Variants in IDH1 observed in about 807,000 individuals in gnomAD.
IDH1 encodes the protein isocitrate dehydrogenase [NADP] cytoplasmic.
IDH1 carries 33 observed loss-of-function variants against 46.1 expected under a neutral mutation model. That is an observed-to-expected ratio of 0.72 (90% CI 0.54 to 0.96). IDH1 has a LOEUF of 0.96. Among genes scored for constraint, IDH1 ranks in the 40% least tolerant of loss-of-function variants. The pLI is 0.00. For missense variants in IDH1, 421 were observed against 515.7 expected (o/e 0.82, Z 1.78); for synonymous variants, 144 against 172.8 (o/e 0.83, Z 1.31).
intron 6 of IDH1, among the ~76,000 whole-genome samples, chr2:208,242,641 T>C (rs1212837928): frequency 6.6e-6 from 1 of 152,218 alleles, no homozygotes; most frequent in Non-Finnish European, 1.5e-5. Flanking sequence ...AAGGGAGTTA[T>C]GCCAATCTTA....
Position 208,248,565 on chromosome 2 carries a change from C to G in IDH1, c.218G>C (p.Cys73Ser), listed in dbSNP as rs2124863598. 1.2e-6 allele frequency: 2 copies of G among 1,614,164 alleles called. No homozygotes were observed. Among genetic ancestry groups the G allele is most frequent in the Non-Finnish European group, 1.7e-6 (2 of 1,179,990 alleles). Reference sequence around the variant, plus strand: ...CTTCTCATCAGGAGTGATAGTGGCACATTTGACGCCAACATTATGCTTCTT... The same window carrying G: ...CTTCTCATCAGGAGTGATAGTGGCAGATTTGACGCCAACATTATGCTTCTT... ...AIKKHNVGVK[C>S]ATITPDEKRV... Residue 73 changes from cysteine to serine, a missense_variant, in exon 4 of 10, where the codon TGT becomes TCT. Coordinates refer to ENST00000345146, the MANE Select transcript of IDH1 (RefSeq NM_005896.4).
At chr2:208,241,226 T>C (rs1008196551) in intron 7 of IDH1, among the ~76,000 whole-genome samples, 1 of 152,144 alleles carries the variant, frequency 6.6e-6, no homozygotes, top group Non-Finnish European at 1.5e-5. Context: ...AAAAACACTT[T>C]TTCTTTGTTG....
intron 3 of IDH1, among the ~76,000 whole-genome samples, chr2:208,249,040 T>C (rs1463242741): frequency 6.6e-6 from 1 of 152,134 alleles, no homozygotes; most frequent in Non-Finnish European, 1.5e-5. Context: ...CCTTAGTAAA[T>C]ATTGCTCTTT....
chr2:208,246,132 TC>T (rs1431848748), intron 4 of IDH1, among the ~76,000 whole-genome samples: 1 of 152,130 alleles, frequency 6.6e-6, no homozygotes, highest in Admixed American at 6.6e-5. Context: ...ATCAAATCAT[TC>T]TGGGAGCAGC....
At chr2:208,239,787 G>A in intron 8 of IDH1, 76 bp downstream of exon 8, 2 of 1,432,026 alleles carry the variant, frequency 1.4e-6, no homozygotes, top group South Asian at 1.1e-5. Context: ...ACAAAACACT[G>A]AGCAGCCAAG....
At chr2:208,241,196 G>A (rs544183861) in intron 7 of IDH1, among the ~76,000 whole-genome samples, 1 of 152,210 alleles carries the variant, frequency 6.6e-6, no homozygotes, top group East Asian at 1.9e-4. Flanking sequence ...ATTGATTTGT[G>A]TGTAAGCTAA....
At chr2:208,245,751 G>T (rs1688007297) in intron 4 of IDH1, among the ~76,000 whole-genome samples, 1 of 143,456 alleles carries the variant, frequency 7.0e-6, no homozygotes, top group Non-Finnish European at 1.5e-5. Context: ...CAATATAAGA[G>T]CTTTCAAATG....
At chr2:208,247,226 A>T (rs1370139438) in intron 4 of IDH1, among the ~76,000 whole-genome samples, 3 of 152,150 alleles carry the variant, frequency 2.0e-5, no homozygotes, top group African/African-American at 2.4e-5. Flanking sequence ...AGCATGAGAG[A>T]TTCCTGTTTT....
At chr2:208,239,423 A>C (rs1687876826) in intron 8 of IDH1, among the ~76,000 whole-genome samples, 190 bp from the exon 9 acceptor site, 1 of 152,132 alleles carries the variant, frequency 6.6e-6, no homozygotes, top group African/African-American at 2.4e-5. Flanking sequence ...AAAAAAACAC[A>C]TTTTCATGGC....
At chr2:208,241,310 C>T (rs1375964101) in intron 7 of IDH1, among the ~76,000 whole-genome samples, 2 of 152,224 alleles carry the variant, frequency 1.3e-5, no homozygotes, top group Admixed American at 6.5e-5. Flanking sequence ...CTGCAACCTC[C>T]GCTTCCCAGG....
At chr2:208,248,235 T>C in intron 4 of IDH1, 134 bp downstream of exon 4, 1 of 735,752 alleles carries the variant, frequency 1.4e-6, no homozygotes, top group East Asian at 2.6e-5. Context: ...TATACATATA[T>C]GCATTTCTCA....
rs942920825 is a variant in IDH1, at chr2:208,236,945, G to A, written c.*134C>T. 4 of 639,682 alleles carry A rather than the reference G, an allele frequency of 6.3e-6. No individual in the cohort carries two copies. The highest frequency in any genetic ancestry group is 3.6e-5 in the South Asian group (2 of 54,876). 39.6% of individuals were successfully genotyped at this position (639,682 alleles called of 1,614,324 possible). A position where few individuals can be genotyped will look rare whatever the true frequency, so the allele number is the denominator to read the frequency against. ...ATAAGAAAAAGGCTGTAAACTTATA[G>A]AAAAGATAAACTCTGGCTTCTAAAC... On this transcript the variant is annotated 3_prime_UTR_variant, in exon 10 of 10. Transcript: ENST00000345146.
chr2:208,252,149 T>A (rs1688136980), intron 2 of IDH1, among the ~76,000 whole-genome samples: 1 of 152,252 alleles, frequency 6.6e-6, no homozygotes, highest in Non-Finnish European at 1.5e-5. Context: ...TGACCCATAT[T>A]CAGGGAAACT....
intron 4 of IDH1, chr2:208,248,045 C>G (rs567061668): frequency 2.9e-6 from 1 of 346,772 alleles, no homozygotes; most frequent in African/African-American, 2.2e-5. Context: ...TGTTGAAAAC[C>G]ACAGATCTGG....
At chr2:208,245,268 C>G (rs1446322) in intron 5 of IDH1, 51 bp downstream of exon 5, 1 of 918,724 alleles carries the variant, frequency 1.1e-6, no homozygotes, top group Non-Finnish European at 1.8e-6. Flanking sequence ...AAAATATTAT[C>G]TAAATCATTT....
intron 3 of IDH1, among the ~76,000 whole-genome samples, chr2:208,249,296 T>TC (rs1341314943): frequency 6.6e-6 from 1 of 152,072 alleles, no homozygotes; most frequent in South Asian, 2.1e-4. Flanking sequence ...TTCAAGTGAT[T>TC]CCCCCGCCTC....
At chr2:208,240,163 A>C in intron 7 of IDH1, 160 bp from the exon 8 acceptor site, 6 of 749,874 alleles carry the variant, frequency 8.0e-6, no homozygotes. Context: ...AGAAGGCAGG[A>C]TCCCCGCTCC....
intron 6 of IDH1, among the ~76,000 whole-genome samples, chr2:208,242,966 G>A (rs1395967096): frequency 2.0e-5 from 3 of 151,942 alleles, no homozygotes; most frequent in South Asian, 2.1e-4. Flanking sequence ...GGGTTTCACC[G>A]TGTTAGCCAG....
At chr2:208,241,389 ATTTTTTTTT>A (rs35384132) in intron 7 of IDH1, among the ~76,000 whole-genome samples, 1 of 119,964 alleles carries the variant, frequency 8.3e-6, no homozygotes, top group African/African-American at 3.1e-5. Context: ...CACCTGGCTA[ATTTTTTTTT>A]TTTTTTTTTT....
Sources: allele counts gnomAD v4.1 joint callset (sites outside exome capture counted in the v4.1 genomes callset), GRCh38; gene constraint gnomAD v4.1.1; transcripts MANE v1.5; gene names NCBI Gene and HGNC (gene_info 2026-07-23, HGNC 2026-07-21).